LRCH2: variants seen among roughly 807,000 people sequenced by gnomAD.
LRCH2 encodes the protein leucine rich repeats and calponin homology domain containing 2, also known as leucine-rich repeat and calponin homology domain-containing protein 2.
LRCH2 carries 38 observed loss-of-function variants against 68.9 expected under a neutral mutation model. That is an observed-to-expected ratio of 0.55 (90% confidence interval 0.43 to 0.72). The LOEUF (loss-of-function observed/expected upper bound fraction) is 0.72, where lower values mean the gene tolerates loss of function less well. Among genes scored for constraint, LRCH2 ranks in the 30% least tolerant of loss-of-function variants. The pLI is 0.00. For missense variants in LRCH2, 528 were observed against 572.9 expected (o/e 0.92, Z 0.80); for synonymous variants, 191 against 208.1 (o/e 0.92, Z 0.71).
intron 1 of LRCH2, among the ~76,000 whole-genome samples, chrX:115,226,147 A>G (rs1375819538): frequency 9.0e-6 from 1 of 111,550 alleles, no homozygotes; most frequent in Non-Finnish European, 1.9e-5. Flanking sequence ...GGAGGGGGGA[A>G]TGAAAATGGC....
chrX:115,216,327 T>C (rs2073041779), intron 1 of LRCH2, among the ~76,000 whole-genome samples: 1 of 112,078 alleles, frequency 8.9e-6, no homozygotes, highest in Non-Finnish European at 1.9e-5. Flanking sequence ...AAAGGAAATA[T>C]ACCAAAATAT....
intron 14 of LRCH2, among the ~76,000 whole-genome samples, chrX:115,141,309 C>T (rs1316091517): frequency 9.0e-6 from 1 of 110,710 alleles, no homozygotes; most frequent in African/African-American, 3.3e-5. Flanking sequence ...TGACCTGTGC[C>T]CAAGGTGGTC....
chrX:115,210,258 T>C (rs1245933048), intron 1 of LRCH2, among the ~76,000 whole-genome samples: 1 of 110,913 alleles, frequency 9.0e-6, no homozygotes, highest in Non-Finnish European at 1.9e-5. Context: ...AAAAAATGGT[T>C]TCGTGGGCCA....
chrX:115,129,565 T>A (rs781791435), intron 15 of LRCH2, among the ~76,000 whole-genome samples: 1 of 111,266 alleles, frequency 9.0e-6, no homozygotes, highest in South Asian at 3.8e-4. Flanking sequence ...CCTGTGTGAT[T>A]CTATTTCCTA....
rs1418065321 is a variant in LRCH2, at chrX:115,190,948, C to G, written c.350-2578G>C. 2 of 1,162,880 alleles carry G rather than the reference C, an allele frequency of 1.7e-6. No homozygotes were observed. Among genetic ancestry groups the G allele is most frequent in the Non-Finnish European group, 2.3e-6 (2 of 871,620 alleles). ...CCACGACAATTCCAGCTGGAGCGAC[C>G]GCTACGGAGTAGGAGGCCACTATGA... On this transcript the variant is annotated intron_variant, in intron 1 of 20. Transcript: ENST00000317135.
intron 1 of LRCH2, chrX:115,189,363 C>T: frequency 1.9e-6 from 2 of 1,051,642 alleles, no homozygotes; most frequent in Non-Finnish European, 2.5e-6. Flanking sequence ...CCGCCCTCCA[C>T]GAGAGCGCTC....
chrX:115,204,411 A>G (rs1198157317), intron 1 of LRCH2, among the ~76,000 whole-genome samples: 3 of 113,170 alleles, frequency 2.7e-5, no homozygotes, highest in African/African-American at 9.6e-5. Flanking sequence ...ATTACTTCCC[A>G]GTAAATGGGT....
chrX:115,178,177 G>A (rs1268394869), intron 5 of LRCH2, among the ~76,000 whole-genome samples: 1 of 111,286 alleles, frequency 9.0e-6, no homozygotes, highest in African/African-American at 3.3e-5. Context: ...CTACTCCTTA[G>A]AATAAATTCC....
At chrX:115,230,183 T>C (rs782287261) in intron 1 of LRCH2, among the ~76,000 whole-genome samples, 1 of 111,651 alleles carries the variant, frequency 9.0e-6, no homozygotes, top group Non-Finnish European at 1.9e-5. Context: ...GTCAAATCTA[T>C]CTACAGACCA....
rs782434870 is a variant in LRCH2 at position 115,165,806 on chromosome X, C to A, written c.1198+35G>T. 5.2e-5 allele frequency: 55 copies of A among 1,054,031 alleles called. No individual in the cohort carries two copies. The South Asian group carries it at 1.0e-3, about 20-fold the overall frequency. 86.9% of individuals were successfully genotyped at this position (1,054,031 alleles called of 1,213,427 possible). On this transcript the variant is annotated intron_variant, in intron 8 of 20. Transcript: ENST00000317135. Reference sequence around the variant, plus strand: ...GCCCATTTTTAATGTGGGCTATGTACATGAAACAAAAATAGCAGGTACCAT... The same window carrying A: ...GCCCATTTTTAATGTGGGCTATGTAAATGAAACAAAAATAGCAGGTACCAT...
chrX:115,165,450 C>T lies in LRCH2; in HGVS notation c.1310G>A (p.Cys437Tyr). Reference sequence around the variant, plus strand: ...TTCATTTTTCCGAGATTTTTCAGAACATTTTTCTTTTCCCTTATATAAAAG... The same window carrying T: ...TTCATTTTTCCGAGATTTTTCAGAATATTTTTCTTTTCCCTTATATAAAAG... ...FVSFFKGKEK[C>Y]SEKSRKNEEL... Residue 437 changes from cysteine to tyrosine, a missense_variant, in exon 10 of 21, where the codon TGT (cysteine) becomes TAT (tyrosine). Physicochemically the swap from Cys to Tyr is radical, Grantham distance 194. Coordinates refer to ENST00000317135, the MANE Select transcript of LRCH2 (RefSeq NM_020871.4). 8.8e-7 allele frequency: 1 copy of T among 1,131,127 alleles called. No homozygotes were observed. 93.2% of individuals were successfully genotyped at this position (1,131,127 alleles called of 1,213,427 possible). A position where few individuals can be genotyped will look rare whatever the true frequency, so the allele number is the denominator to read the frequency against.
intron 12 of LRCH2, among the ~76,000 whole-genome samples, chrX:115,154,743 C>T (rs1325389169): frequency 9.0e-6 from 1 of 111,420 alleles, no homozygotes; most frequent in Non-Finnish European, 1.9e-5. Flanking sequence ...GTAAAGCTAT[C>T]CATGTGTTAC....
intron 14 of LRCH2, 141 bp from the exon 15 acceptor site, chrX:115,130,340 AAT>A (rs1391811114): frequency 3.7e-5 from 13 of 346,830 alleles, no homozygotes; most frequent in Non-Finnish European, 6.1e-5. Flanking sequence ...AACAGGTGTA[AAT>A]AGTCCTACTA....
At chrX:115,143,525 G>A (rs1195684075) in intron 14 of LRCH2, among the ~76,000 whole-genome samples, 3 of 111,255 alleles carry the variant, frequency 2.7e-5, no homozygotes, top group Admixed American at 1.9e-4. Flanking sequence ...GGACCTGAGG[G>A]CTTCACTGCT....
At chrX:115,200,451 C>A (rs976229756) in intron 1 of LRCH2, among the ~76,000 whole-genome samples, 1 of 111,108 alleles carries the variant, frequency 9.0e-6, no homozygotes, top group African/African-American at 3.3e-5. Context: ...GGAAATATTT[C>A]AACTGATACC....
intron 14 of LRCH2, among the ~76,000 whole-genome samples, chrX:115,138,000 C>T (rs1335428759): frequency 9.0e-6 from 1 of 111,060 alleles, no homozygotes; most frequent in African/African-American, 3.3e-5. Flanking sequence ...AGAGATAAGG[C>T]AACAGCTAAA....
intron 1 of LRCH2, chrX:115,191,248 A>G: frequency 8.7e-7 from 1 of 1,153,171 alleles, no homozygotes. Flanking sequence ...CGATGCCAAC[A>G]GTGGAGGCCG....
chrX:115,171,900 C>G (rs782541013), intron 5 of LRCH2, among the ~76,000 whole-genome samples: 8 of 109,643 alleles, frequency 7.3e-5, no homozygotes, highest in African/African-American at 2.7e-4. Context: ...AGGCTGTTCT[C>G]GAACTCCTGG....
chrX:115,185,173 C>T (rs1226021522), intron 2 of LRCH2, among the ~76,000 whole-genome samples: 2 of 112,195 alleles, frequency 1.8e-5, no homozygotes, highest in African/African-American at 6.5e-5. Flanking sequence ...TAATAACTAA[C>T]ATTTACTGAG....
Sources: gnomAD v4.1 joint callset for allele counts (sites outside exome capture counted in the v4.1 genomes callset) on GRCh38, gnomAD v4.1.1 for gene constraint, MANE v1.5 for transcripts, NCBI Gene and HGNC (gene_info 2026-07-23, HGNC 2026-07-21) for gene names.